The following GRM5 variants were observed in gnomAD, a reference collection of about 807,000 sequenced individuals.
GRM5 encodes metabotropic glutamate receptor 5.
In GRM5, 19 loss-of-function variants were observed where a neutral mutation model predicts 83.1. The ratio of observed to expected loss-of-function variants is 0.23; its 90% CI spans 0.16 to 0.34. GRM5 has a LOEUF of 0.34. GRM5 is among the 10% of genes least tolerant of loss of function. The probability of loss-of-function intolerance (pLI) is 1.00; values close to 1 mark genes in which losing one functional copy is unlikely to be tolerated. For synonymous variants in GRM5, 675 were observed against 633.6 expected, an observed-to-expected ratio of 1.07 and a Z score of -0.98; for missense variants, 1,160 against 1,588.3, an observed-to-expected ratio of 0.73 and a Z score of 4.58.
At chr11:88,687,402 G>A (rs375464508) in intron 3 of GRM5, among the ~76,000 whole-genome samples, 7 of 144,558 alleles carry the variant, frequency 4.8e-5, no homozygotes, top group Admixed American at 7.2e-5. Flanking sequence ...GCATGAACCC[G>A]GGAGGCGGAG....
chr11:88,892,693 T>C (rs1945165916), intron 2 of GRM5, among the ~76,000 whole-genome samples: 2 of 152,042 alleles, frequency 1.3e-5, no homozygotes, highest in Admixed American at 6.6e-5. Context: ...CTAGTCACAA[T>C]AATTGTTTTT....
intron 4 of GRM5, among the ~76,000 whole-genome samples, chr11:88,624,434 C>T (rs573933264): frequency 6.6e-6 from 1 of 152,198 alleles, no homozygotes; most frequent in African/African-American, 2.4e-5. Context: ...CGGGGCCATG[C>T]CTTATGGACG....
chr11:88,577,492 T>C (rs149486674), intron 7 of GRM5, among the ~76,000 whole-genome samples: 77 of 152,262 alleles, frequency 5.1e-4, no homozygotes, highest in African/African-American at 1.6e-3. Flanking sequence ...GTCCACACTA[T>C]GGTGATAGAA....
chr11:88,715,295 C>A (rs1247049950), intron 3 of GRM5, among the ~76,000 whole-genome samples: 1 of 151,932 alleles, frequency 6.6e-6, no homozygotes, highest in Non-Finnish European at 1.5e-5. Context: ...TAGGAACGAC[C>A]TGCAGAGAGA....
chr11:88,678,892 A>T (rs1940405365), intron 3 of GRM5, among the ~76,000 whole-genome samples: 1 of 152,080 alleles, frequency 6.6e-6, no homozygotes, highest in Admixed American at 6.6e-5. Context: ...CTCTGTGGTA[A>T]AAAGAAGCTT....
chr11:88,648,828 A>T (rs1939541353), intron 4 of GRM5, among the ~76,000 whole-genome samples: 1 of 151,712 alleles, frequency 6.6e-6, no homozygotes, highest in Admixed American at 6.6e-5. Context: ...CTACACAGAG[A>T]ATAAGTCATA....
At chr11:88,781,127 GTATATA>G (rs59273026) in intron 3 of GRM5, among the ~76,000 whole-genome samples, 98,063 of 145,212 alleles carry the variant, frequency 0.68, 33,636 homozygotes, top group Non-Finnish European at 0.75. Context: ...ACATATATAT[GTATATA>G]TATATATATA....
At chr11:88,800,970 T>C (rs1453865914) in intron 3 of GRM5, among the ~76,000 whole-genome samples, 2 of 152,144 alleles carry the variant, frequency 1.3e-5, no homozygotes, top group African/African-American at 4.8e-5. Flanking sequence ...ACAATGCCCA[T>C]TATAGTAAAA....
chr11:88,782,789 A>G (rs1942998350), intron 3 of GRM5, among the ~76,000 whole-genome samples: 1 of 152,122 alleles, frequency 6.6e-6, no homozygotes, highest in Non-Finnish European at 1.5e-5. Flanking sequence ...TCCAAAGCTG[A>G]CGGGTTGTTG....
intron 9 of GRM5, among the ~76,000 whole-genome samples, chr11:88,521,503 A>T (rs549503597): frequency 1.3e-5 from 2 of 152,310 alleles, no homozygotes; most frequent in South Asian, 2.1e-4. Flanking sequence ...TTGAGGTTTC[A>T]GTCATTCAGT....
At chr11:88,702,458 C>T (rs1334751760) in intron 3 of GRM5, among the ~76,000 whole-genome samples, 2 of 152,048 alleles carry the variant, frequency 1.3e-5, no homozygotes, top group African/African-American at 4.8e-5. Flanking sequence ...AATAAAACCC[C>T]TATATTTGTT....
chr11:88,897,158 A>C (rs1945239702), intron 2 of GRM5, among the ~76,000 whole-genome samples: 1 of 152,000 alleles, frequency 6.6e-6, no homozygotes, highest in South Asian at 2.1e-4. Context: ...CTTCTAAAAA[A>C]GACAAAGTTG....
chr11:88,786,923 AT>A (rs1943081324), intron 3 of GRM5, among the ~76,000 whole-genome samples: 1 of 152,126 alleles, frequency 6.6e-6, no homozygotes, highest in Non-Finnish European at 1.5e-5. Context: ...TTGTAGAATG[AT>A]TTAAAACTGA....
At chr11:88,792,560 A>G (rs1005807060) in intron 3 of GRM5, among the ~76,000 whole-genome samples, 1 of 152,088 alleles carries the variant, frequency 6.6e-6, no homozygotes, top group African/African-American at 2.4e-5. Flanking sequence ...CAACTAGGGG[A>G]TATTTCTAGA....
intron 3 of GRM5, among the ~76,000 whole-genome samples, chr11:88,665,534 A>G (rs1940021168): frequency 6.6e-6 from 1 of 152,214 alleles, no homozygotes. Context: ...ACGTATAGGT[A>G]TAGAGGAAGA....
intron 3 of GRM5, among the ~76,000 whole-genome samples, chr11:88,663,340 C>T (rs1009006641): frequency 2.6e-5 from 4 of 152,096 alleles, no homozygotes; most frequent in South Asian, 2.1e-4. Flanking sequence ...GATGCTTCCA[C>T]GTCATATGCA....
chr11:88,862,266 C>G (rs1466145047), intron 2 of GRM5, among the ~76,000 whole-genome samples: 1 of 152,116 alleles, frequency 6.6e-6, no homozygotes, highest in East Asian at 1.9e-4. Context: ...TCCTCAATTA[C>G]AAAATTATAT....
chr11:88,831,011 A>AC (rs1267462838), intron 3 of GRM5, among the ~76,000 whole-genome samples: 3 of 151,268 alleles, frequency 2.0e-5, no homozygotes, highest in African/African-American at 7.3e-5. Flanking sequence ...TGATTCAATT[A>AC]CCCCCCACCG....
intron 4 of GRM5, among the ~76,000 whole-genome samples, chr11:88,639,239 G>A (rs554534214): frequency 1.9e-4 from 29 of 152,196 alleles, no homozygotes; most frequent in African/African-American, 6.7e-4. Flanking sequence ...TGAATACTCC[G>A]CTGAATGCTC....
Sources: gnomAD v4.1 joint callset for allele counts (sites outside exome capture counted in the v4.1 genomes callset) on GRCh38, gnomAD v4.1.1 for gene constraint, MANE v1.5 for transcripts, NCBI Gene and HGNC (gene_info 2026-07-23, HGNC 2026-07-21) for gene names.